The following TMEM9 variants were observed in gnomAD, a reference collection of about 807,000 sequenced individuals.
The protein encoded by TMEM9 is transmembrane protein 9, also known as proton-transporting V-type ATPase complex assembly regulator TMEM9.
TMEM9 carries 13 observed loss-of-function variants against 22.8 expected under a neutral mutation model. That is an observed-to-expected ratio of 0.57 (90% CI 0.37 to 0.91). The LOEUF (loss-of-function observed/expected upper bound fraction) is 0.91. TMEM9 is among the 40% of genes least tolerant of loss of function. The pLI, the probability that TMEM9 is intolerant of heterozygous loss-of-function variation, is 0.01. For missense variants in TMEM9, 182 were observed against 238.1 expected (o/e 0.76, Z 1.55); for synonymous variants, 88 against 93.0 (o/e 0.95, Z 0.31).
At chr1:201,166,773 C>G (rs890123361) in intron 1 of TMEM9, among the ~76,000 whole-genome samples, 4 of 152,158 alleles carry the variant, frequency 2.6e-5, no homozygotes. Flanking sequence ...GGAGGTATAA[C>G]AGATCTACCA....
chr1:201,163,820 G>T (rs184437155), intron 1 of TMEM9, among the ~76,000 whole-genome samples: 49 of 152,194 alleles, frequency 3.2e-4, no homozygotes, highest in African/African-American at 1.2e-3. Flanking sequence ...CAGTTTGGCA[G>T]TTTCTTTAAA....
At chr1:201,171,244 C>T (rs1002439393) in intron 1 of TMEM9, among the ~76,000 whole-genome samples, 2 of 152,130 alleles carry the variant, frequency 1.3e-5, no homozygotes, top group East Asian at 1.9e-4. Flanking sequence ...TCCCAGGCCC[C>T]CTGCCGGACG....
chr1:201,155,000 T>G (rs1457096990), upstream of TMEM9, among the ~76,000 whole-genome samples: 1 of 152,162 alleles, frequency 6.6e-6, no homozygotes, highest in Non-Finnish European at 1.5e-5. Flanking sequence ...GTCCTCAGCC[T>G]GATCCCCCTA....
intron 1 of TMEM9, among the ~76,000 whole-genome samples, chr1:201,161,188 C>T (rs1454148843): frequency 6.6e-6 from 1 of 151,782 alleles, no homozygotes; most frequent in Non-Finnish European, 1.5e-5. Context: ...GAATAGAAAA[C>T]AGGTGCATTT....
Position 201,148,795 on chromosome 1 carries a change from C to A in TMEM9, c.159-1947G>T, listed in dbSNP as rs1665198429. On this transcript the variant is annotated intron_variant, in intron 2 of 4. Transcript: ENST00000367330. ...TATCTAAACCTTTCATGATCCAGTT[C>A]CACCTCTGTGTCCAACATGTTATTC... Among the ~76,000 whole-genome samples, 3 of 152,250 alleles carry A rather than the reference C, an allele frequency of 2.0e-5. 1 individual carries two copies. Among genetic ancestry groups the A allele is most frequent in the Admixed American group, 1.3e-4 (2 of 15,292 alleles).
rs891510337 is a variant in TMEM9, at chr1:201,162,871, T to TA, written c.-37+8618dup. ...ATGAAGAACTTTTACAACTCAACAG[T>TA]AAAAAAAAAATACAATTAGAAAGTA... On this transcript the variant is annotated intron_variant, in intron 1 of 5. Coordinates refer to the TMEM9 transcript ENST00000367333. Among the ~76,000 whole-genome samples the TA allele has an allele frequency of 4.4e-3, 652 of 147,332 alleles. 7 individuals carry two copies. The highest frequency in any genetic ancestry group is 0.014 in the African/African-American group (564 of 40,222).
chr1:201,142,998 C>G (rs893784468), intron 4 of TMEM9, among the ~76,000 whole-genome samples: 3 of 152,232 alleles, frequency 2.0e-5, no homozygotes, highest in Admixed American at 6.5e-5. Flanking sequence ...CCTGTCCCCC[C>G]GGGTTTCCTC....
chr1:201,136,406 TG>T (rs1663991118), intron 4 of TMEM9, among the ~76,000 whole-genome samples: 1 of 152,154 alleles, frequency 6.6e-6, no homozygotes, highest in Admixed American at 6.5e-5. Context: ...CTGCTCCAGA[TG>T]GGAGGGGGCC....
chr1:201,157,278 A>C (rs562301697), upstream of TMEM9, among the ~76,000 whole-genome samples: 1 of 152,286 alleles, frequency 6.6e-6, no homozygotes, highest in South Asian at 2.1e-4. Flanking sequence ...TTTATTATGC[A>C]GGTGGTTTCT....
intron 2 of TMEM9, among the ~76,000 whole-genome samples, chr1:201,147,564 G>A (rs571009581): frequency 6.6e-6 from 1 of 152,082 alleles, no homozygotes; most frequent in Non-Finnish European, 1.5e-5. Flanking sequence ...TCGGACAACC[G>A]CACCAGCCTC....
rs748637342 is a variant in TMEM9, at chr1:201,143,801, G to A, written c.399+19C>T. On this transcript the variant is annotated intron_variant, in intron 4 of 4. Transcript: ENST00000367330. ...GCACATGCAGGGACCCAGGGCCTGG[G>A]CACTCAAAGCCCTCTTACCTCATTC... The A allele has an allele frequency of 1.2e-6, 2 of 1,612,684 alleles. No homozygotes were observed. Among genetic ancestry groups the A allele is most frequent in the Non-Finnish European group, 1.7e-6 (2 of 1,179,194 alleles).
At chr1:201,151,012 C>T (rs1665381596) in intron 2 of TMEM9, among the ~76,000 whole-genome samples, 1 of 152,160 alleles carries the variant, frequency 6.6e-6, no homozygotes, top group Non-Finnish European at 1.5e-5. Flanking sequence ...TTCCCTGAAG[C>T]TTTTATCCTT....
At chr1:201,150,293 G>A (rs1397954599) in intron 2 of TMEM9, among the ~76,000 whole-genome samples, 2 of 152,224 alleles carry the variant, frequency 1.3e-5, no homozygotes, top group Non-Finnish European at 2.9e-5. Flanking sequence ...TTCAGGAGGA[G>A]CCCATTTTCT....
chr1:201,153,635 G>T, intron 1 of TMEM9: 2 of 951,568 alleles, frequency 2.1e-6, no homozygotes, highest in Non-Finnish European at 1.5e-6. Flanking sequence ...TCTGATCAGA[G>T]TGAGCCAGTG....
At chr1:201,140,830 A>C (rs1366038132) in intron 4 of TMEM9, among the ~76,000 whole-genome samples, 4 of 152,178 alleles carry the variant, frequency 2.6e-5, no homozygotes, top group Non-Finnish European at 5.9e-5. Context: ...CTTGGGGTGA[A>C]ACCCAGAGAC....
At position 201,143,942 on chromosome 1, in the gene TMEM9, C is replaced by A; in HGVS notation, c.277G>T (p.Val93Phe). 1 of 1,614,124 alleles carries A rather than the reference C, an allele frequency of 6.2e-7. No individual in the cohort carries two copies. The highest frequency in any genetic ancestry group is 1.1e-5 in the South Asian group (1 of 91,076). Residue 93 changes from valine (V) to phenylalanine (F), a missense_variant, in exon 4 of 5, where the codon GTC becomes TTC. Coordinates refer to ENST00000367330, the MANE Select transcript of TMEM9 (RefSeq NM_001288565.2). ...RSTTTIKVII[V>F]IYLSVVGALL... ...GCACCCACCACGGACAGGTAGATGA[C>A]AATGATGACCTGAGGAAGAGACCGG...
chr1:201,169,304 G>A (rs933058121), intron 1 of TMEM9, among the ~76,000 whole-genome samples: 3 of 152,190 alleles, frequency 2.0e-5, no homozygotes, highest in Non-Finnish European at 2.9e-5. Context: ...TAGTACGAGT[G>A]TAACGTGACT....
intron 4 of TMEM9, among the ~76,000 whole-genome samples, chr1:201,137,273 C>T (rs903924349): frequency 1.3e-5 from 2 of 151,398 alleles, no homozygotes; most frequent in African/African-American, 4.8e-5. Context: ...CTCAGCCTCC[C>T]CTAGGCTCGC....
At chr1:201,150,455 G>A (rs757520674) in intron 2 of TMEM9, among the ~76,000 whole-genome samples, 6 of 152,120 alleles carry the variant, frequency 3.9e-5, no homozygotes, top group Non-Finnish European at 5.9e-5. Context: ...GCACATACAC[G>A]CACAACACAC....
Sources: allele counts gnomAD v4.1 joint callset (sites outside exome capture counted in the v4.1 genomes callset), GRCh38; gene constraint gnomAD v4.1.1; transcripts MANE v1.5; gene names NCBI Gene and HGNC (gene_info 2026-07-23, HGNC 2026-07-21).